Variants in CACNA2D3 observed in about 807,000 individuals in gnomAD.
The protein encoded by CACNA2D3 is voltage-dependent calcium channel subunit alpha-2/delta-3.
A neutral mutation model predicts 160.6 loss-of-function variants in CACNA2D3; 60 were observed. That is an observed-to-expected ratio of 0.37 (90% CI 0.30 to 0.46). CACNA2D3 has a LOEUF of 0.46. CACNA2D3 is among the 20% of genes least tolerant of loss of function. The pLI is 1.00. For missense variants in CACNA2D3, 1,205 were observed against 1,365.0 expected, an observed-to-expected ratio of 0.88 and a Z score of 1.85; for synonymous variants, 558 against 492.9, an observed-to-expected ratio of 1.13 and a Z score of -1.75.
intron 5 of CACNA2D3, among the ~76,000 whole-genome samples, chr3:54,537,785 A>T (rs1701912181): frequency 6.6e-6 from 1 of 152,314 alleles, no homozygotes; most frequent in African/African-American, 2.4e-5. Flanking sequence ...AAACTGTGAG[A>T]CAATGCTTGG....
chr3:54,459,492 T>A (rs1700459704), intron 4 of CACNA2D3, among the ~76,000 whole-genome samples: 1 of 151,688 alleles, frequency 6.6e-6, no homozygotes, highest in Non-Finnish European at 1.5e-5. Context: ...TATCTCATTG[T>A]GGTTTTGATT....
chr3:54,870,109 C>T (rs1355429383), intron 17 of CACNA2D3, among the ~76,000 whole-genome samples: 1 of 152,132 alleles, frequency 6.6e-6, no homozygotes, highest in East Asian at 1.9e-4. Context: ...TCCTGAAATG[C>T]AGTTGACAGG....
At chr3:54,316,807 T>A (rs4928039) in intron 2 of CACNA2D3, among the ~76,000 whole-genome samples, 1,807 of 152,280 alleles carry the variant, frequency 0.012, 29 homozygotes, top group South Asian at 0.044. Flanking sequence ...AAGTTAGAGT[T>A]CAATAAATCG....
chr3:55,052,461 T>C (rs1056654731), intron 35 of CACNA2D3, among the ~76,000 whole-genome samples: 2 of 151,276 alleles, frequency 1.3e-5, no homozygotes, highest in African/African-American at 4.8e-5. Flanking sequence ...TGTGTGTATA[T>C]ATATATATAT....
chr3:54,557,731 C>T (rs1445882226), intron 5 of CACNA2D3, among the ~76,000 whole-genome samples: 1 of 152,120 alleles, frequency 6.6e-6, no homozygotes, highest in Admixed American at 6.5e-5. Context: ...TAATCGTTAT[C>T]AAGCTTGGAC....
intron 2 of CACNA2D3, among the ~76,000 whole-genome samples, chr3:54,208,746 C>CT (rs35630668): frequency 0.63 from 94,532 of 149,802 alleles, 29,988 homozygotes; most frequent in South Asian, 0.77. Flanking sequence ...ATTAAAAAAC[C>CT]TTTTTTTTTT....
At chr3:55,026,947 C>G (rs1167213288) in intron 35 of CACNA2D3, among the ~76,000 whole-genome samples, 1 of 152,134 alleles carries the variant, frequency 6.6e-6, no homozygotes, top group Non-Finnish European at 1.5e-5. Flanking sequence ...CATTTGCTAC[C>G]CCTTTGTCCC....
At chr3:54,482,167 T>C (rs910522497) in intron 4 of CACNA2D3, among the ~76,000 whole-genome samples, 1 of 152,250 alleles carries the variant, frequency 6.6e-6, no homozygotes, top group Admixed American at 6.5e-5. Flanking sequence ...AAACTGATAC[T>C]GCAGACGCAG....
chr3:54,233,256 C>G (rs1000230052), intron 2 of CACNA2D3, among the ~76,000 whole-genome samples: 2 of 152,314 alleles, frequency 1.3e-5, no homozygotes, highest in East Asian at 3.9e-4. Flanking sequence ...CATTTACTCT[C>G]GTATCACCAG....
intron 4 of CACNA2D3, among the ~76,000 whole-genome samples, chr3:54,392,861 C>G (rs1206338976): frequency 1.3e-5 from 2 of 152,028 alleles, no homozygotes; most frequent in Non-Finnish European, 2.9e-5. Flanking sequence ...CTTTCACCAT[C>G]CACTAGGAAA....
At chr3:54,227,952 T>C (rs920091479) in intron 2 of CACNA2D3, among the ~76,000 whole-genome samples, 4 of 152,178 alleles carry the variant, frequency 2.6e-5, no homozygotes, top group Non-Finnish European at 1.5e-5. Context: ...CTGACTTGCA[T>C]TGGAAAGCAA....
At chr3:54,347,166 A>C (rs1698474613) in intron 3 of CACNA2D3, among the ~76,000 whole-genome samples, 1 of 152,098 alleles carries the variant, frequency 6.6e-6, no homozygotes, top group Non-Finnish European at 1.5e-5. Flanking sequence ...CCCGGTTGGC[A>C]CCTTATGCCT....
chr3:54,682,182 C>A (rs201706058), intron 11 of CACNA2D3, among the ~76,000 whole-genome samples: 8 of 151,892 alleles, frequency 5.3e-5, no homozygotes, highest in Admixed American at 5.2e-4. Context: ...CACACACACA[C>A]ACACACACAC....
At chr3:54,661,537 AG>A (rs1336854855) in intron 11 of CACNA2D3, among the ~76,000 whole-genome samples, 1 of 152,132 alleles carries the variant, frequency 6.6e-6, no homozygotes, top group Non-Finnish European at 1.5e-5. Flanking sequence ...GACTTAGGAA[AG>A]GGGCTATATG....
chr3:54,900,628 A>C (rs960075828), intron 27 of CACNA2D3, among the ~76,000 whole-genome samples: 1 of 152,102 alleles, frequency 6.6e-6, no homozygotes, highest in Non-Finnish European at 1.5e-5. Context: ...TGGGTGGGTG[A>C]TATGCTCCAA....
intron 2 of CACNA2D3, among the ~76,000 whole-genome samples, chr3:54,125,498 G>T (rs1260719741): frequency 2.0e-5 from 3 of 152,134 alleles, no homozygotes; most frequent in South Asian, 4.1e-4. Flanking sequence ...GTAATCTGAT[G>T]CGAGGGAAAG....
intron 2 of CACNA2D3, among the ~76,000 whole-genome samples, chr3:54,301,631 A>G (rs1462060811): frequency 2.0e-5 from 3 of 152,206 alleles, no homozygotes; most frequent in Non-Finnish European, 4.4e-5. Flanking sequence ...TAGTTATCCT[A>G]CCTATTGAAA....
Position 54,562,827 on chromosome 3 carries a change from G to C in CACNA2D3, c.572G>C (p.Trp191Ser), listed in dbSNP as rs1702349123. 1 of 1,612,184 alleles carries C rather than the reference G, an allele frequency of 6.2e-7. No individual in the cohort carries two copies. The highest frequency in any genetic ancestry group is 1.3e-5 in the African/African-American group (1 of 74,834). The change falls in exon 6 of 38, where the codon TGG (tryptophan) becomes TCG (serine). Residue 191 changes from tryptophan (W) to serine (S), a missense_variant. Trp to Ser is a radical substitution (Grantham distance 177, BLOSUM62 -3). Coordinates refer to ENST00000474759, the MANE Select transcript of CACNA2D3 (RefSeq NM_018398.3). Reference protein sequence around the residue: ...KDPAIVNGVYWSESLNKVFVD... With the variant: ...KDPAIVNGVYSSESLNKVFVD... ...CCTGCAATTGTCAATGGGGTTTATT[G>C]GTCTGAATCTCTAAACAAAGTTTTT...
intron 2 of CACNA2D3, among the ~76,000 whole-genome samples, chr3:54,162,952 CAGAT>C (rs1243285232): frequency 1.3e-5 from 2 of 152,162 alleles, no homozygotes; most frequent in Non-Finnish European, 2.9e-5. Flanking sequence ...GGTGCTGCCT[CAGAT>C]AGGGCAGTTA....
Sources: allele counts gnomAD v4.1 joint callset (sites outside exome capture counted in the v4.1 genomes callset), GRCh38; gene constraint gnomAD v4.1.1; transcripts MANE v1.5; gene names NCBI Gene and HGNC (gene_info 2026-07-23, HGNC 2026-07-21).